Variants in KCNQ1 observed in about 807,000 individuals in gnomAD.
The protein encoded by KCNQ1 is potassium voltage-gated channel subfamily Q member 1, also known as potassium voltage-gated channel subfamily KQT member 1.
KCNQ1 carries 49 observed loss-of-function variants against 72.4 expected under a neutral mutation model. The ratio of observed to expected loss-of-function variants is 0.68; its 90% CI spans 0.54 to 0.86. The LOEUF is 0.86. Ranked by LOEUF, KCNQ1 falls within the 40% of genes least tolerant of loss-of-function variation. KCNQ1 has a pLI of 0.00. For missense variants in KCNQ1, 790 were observed against 945.1 expected (o/e 0.84, Z 2.15); for synonymous variants, 450 against 412.6 (o/e 1.09, Z -1.10).
chr11:2,531,902 C>T (rs373721827), intron 2 of KCNQ1, among the ~76,000 whole-genome samples: 40 of 152,322 alleles, frequency 2.6e-4, no homozygotes, highest in African/African-American at 8.7e-4. Flanking sequence ...CTCCCTGTGA[C>T]GTTTAGGCTA....
At chr11:2,639,349 A>G (rs569380370) in intron 10 of KCNQ1, 1 of 152,086 alleles carries the variant, frequency 6.6e-6, no homozygotes, top group East Asian at 1.9e-4. Context: ...GGTTTTATCT[A>G]CCTTTGGTCT....
chr11:2,739,493 C>T (rs570988179), intron 11 of KCNQ1, among the ~76,000 whole-genome samples: 7 of 152,256 alleles, frequency 4.6e-5, no homozygotes, highest in East Asian at 3.9e-4. Flanking sequence ...ATTTTTATTA[C>T]GCAAAAAAGG....
chr11:2,834,382 C>T (rs1404291569), intron 15 of KCNQ1, among the ~76,000 whole-genome samples: 1 of 152,158 alleles, frequency 6.6e-6, no homozygotes, highest in Non-Finnish European at 1.5e-5. Context: ...ATCCCTTGTT[C>T]TCCGGAGCTG....
Position 2,657,188 on chromosome 11 carries a change from T to C in KCNQ1, c.1394-4773T>C, listed in dbSNP as rs537772938. On this transcript the variant is annotated intron_variant, in intron 10 of 15. Coordinates refer to ENST00000155840, the MANE Select transcript of KCNQ1 (RefSeq NM_000218.3). The surrounding 1 kb of genome is among the most constrained non-coding windows in gnomAD (Gnocchi z 4.8). ...CCCACCTTGTTCTTCTTCAAGAATA[T>C]TGCCAATTCTTGGCTTTTTGCACTT... 1.3e-5 allele frequency: 5 copies of C among 398,660 alleles called. No homozygotes were observed. In the Admixed American group the frequency reaches 1.8e-4, roughly 14 times the overall value. 24.7% of individuals were successfully genotyped at this position (398,660 alleles called of 1,614,324 possible).
chr11:2,644,553 T>A, intron 10 of KCNQ1: 1 of 398,556 alleles, frequency 2.5e-6, no homozygotes, highest in Non-Finnish European at 4.4e-6. Flanking sequence ...GTTTCATCAA[T>A]TTCTTTTTCA....
In KCNQ1 at chr11:2,661,934, C is replaced by T. The variant is rs28730757; in HGVS notation, c.1394-27C>T. On this transcript the variant is annotated intron_variant, in intron 10 of 15. Transcript: ENST00000155840. The surrounding 1 kb of genome is among the most constrained non-coding windows in gnomAD (Gnocchi z 5.9). Reference sequence around the variant, plus strand: ...CTGGCAGGTTGGGTGGGAGGCCTAACGTGCTGTCCCCACACTTTCTCCTCA... The same window carrying T: ...CTGGCAGGTTGGGTGGGAGGCCTAATGTGCTGTCCCCACACTTTCTCCTCA... 1,586 of 1,614,102 alleles carry T rather than the reference C, an allele frequency of 9.8e-4. 8 individuals are homozygous for T. In the African/African-American group the frequency reaches 0.011, roughly 11 times the overall value.
intron 11 of KCNQ1, among the ~76,000 whole-genome samples, chr11:2,754,812 A>G (rs1223017514): frequency 6.6e-6 from 1 of 152,256 alleles, no homozygotes; most frequent in Non-Finnish European, 1.5e-5. Flanking sequence ...ATTTTACAAG[A>G]CACAAAAGCA....
intron 11 of KCNQ1, chr11:2,667,741 G>C (rs1164087105): frequency 2.0e-5 from 8 of 398,656 alleles, no homozygotes; most frequent in Non-Finnish European, 3.1e-5. Flanking sequence ...GAGGGAGTGG[G>C]ATGGGGCTGG....
rs114342161 is a variant in KCNQ1, at chr11:2,738,288, T to C, written c.1515-30556T>C. On this transcript the variant is annotated intron_variant, in intron 11 of 15. Coordinates refer to ENST00000155840, the MANE Select transcript of KCNQ1 (RefSeq NM_000218.3). ...GGAGTGTGGGGGCACAGCGGGTTCC[T>C]TGGCCATGGGGGTGGGCAGACGTGT... Among the ~76,000 whole-genome samples the C allele has an allele frequency of 2.0e-3, 300 of 151,950 alleles. 2 individuals carry two copies. The highest frequency in any genetic ancestry group is 7.0e-3 in the African/African-American group (291 of 41,428).
At position 2,471,944 on chromosome 11, in the gene KCNQ1, G is replaced by A. The variant is rs1449838350; in HGVS notation, c.386+26460G>A. Among the ~76,000 whole-genome samples the A allele has an allele frequency of 2.6e-5, 4 of 151,662 alleles. No homozygotes were observed. Among genetic ancestry groups the A allele is most frequent in the Non-Finnish European group, 5.9e-5 (4 of 67,868 alleles). ...TGTATAGGCGTGTATGTGTGCGCGT[G>A]TGTAGGTGTGTGTTCATATATATGG... On this transcript the variant is annotated intron_variant, in intron 1 of 15. Coordinates refer to ENST00000155840, the MANE Select transcript of KCNQ1 (RefSeq NM_000218.3). This position sits in a 1 kb window ranked among gnomAD's most constrained non-coding sequence, Gnocchi z 4.8.
Position 2,464,024 on chromosome 11 carries a change from C to T in KCNQ1, c.386+18540C>T, listed in dbSNP as rs2133586197. The stretch of plus-strand genomic sequence containing the variant: ...CAGGCCCTGACTCTGCAGAGCAGGA[C>T]TGTGGAAAATGGACACTGATGCTGC... On this transcript the variant is annotated intron_variant, in intron 1 of 15. Coordinates refer to ENST00000155840, the MANE Select transcript of KCNQ1 (RefSeq NM_000218.3). The surrounding 1 kb of genome is among the most constrained non-coding windows in gnomAD (Gnocchi z 5.0). Among the ~76,000 whole-genome samples, 1 of 152,346 alleles carries T rather than the reference C, an allele frequency of 6.6e-6. No individual in the cohort carries two copies. Among genetic ancestry groups the T allele is most frequent in the East Asian group, 1.9e-4 (1 of 5,178 alleles).
At chr11:2,823,655 G>A (rs1372627467) in intron 15 of KCNQ1, among the ~76,000 whole-genome samples, 2 of 152,240 alleles carry the variant, frequency 1.3e-5, no homozygotes, top group Admixed American at 1.3e-4. Context: ...AAATAGGTGG[G>A]ACTGGGAAGA....
chr11:2,683,344 A>T lies in KCNQ1; in HGVS notation c.1514+21263A>T, dbSNP rs949898027. Reference sequence around the variant, plus strand: ...GGTTTCCCCCGCTCAACACTAGGCCACTGTGCCTGCCACTGCTGTCTGCAA... The same window carrying T: ...GGTTTCCCCCGCTCAACACTAGGCCTCTGTGCCTGCCACTGCTGTCTGCAA... On this transcript the variant is annotated intron_variant, in intron 11 of 15. Coordinates refer to ENST00000155840, the MANE Select transcript of KCNQ1 (RefSeq NM_000218.3). The surrounding 1 kb of genome is among the most constrained non-coding windows in gnomAD (Gnocchi z 4.7). The T allele has an allele frequency of 7.5e-6, 3 of 398,416 alleles. No homozygotes were observed. The highest frequency in any genetic ancestry group is 1.3e-5 in the Non-Finnish European group (3 of 226,048). 24.7% of individuals were successfully genotyped at this position (398,416 alleles called of 1,614,324 possible).
At chr11:2,453,476 G>A (rs1433960277) in intron 1 of KCNQ1, among the ~76,000 whole-genome samples, 1 of 152,206 alleles carries the variant, frequency 6.6e-6, no homozygotes, top group African/African-American at 2.4e-5. Context: ...AAGAGTTTCT[G>A]AAAACAGAAG....
At position 2,720,015 on chromosome 11, in the gene KCNQ1, G is replaced by A. The variant is rs1851175849; in HGVS notation, c.1515-48829G>A. Among the ~76,000 whole-genome samples the A allele has an allele frequency of 6.6e-6, 1 of 152,214 alleles. No homozygotes were observed. The highest frequency in any genetic ancestry group is 2.4e-5 in the African/African-American group (1 of 41,452). Reference sequence around the variant, plus strand: ...GAGGTGGAGCCGCTTCACCATACATGCAAATGTAGCAAACTGCAAAATGTC... The same window carrying A: ...GAGGTGGAGCCGCTTCACCATACATACAAATGTAGCAAACTGCAAAATGTC... On this transcript the variant is annotated intron_variant, in intron 11 of 15. Coordinates refer to ENST00000155840, the MANE Select transcript of KCNQ1 (RefSeq NM_000218.3). This position sits in a 1 kb window ranked among gnomAD's most constrained non-coding sequence, Gnocchi z 5.1.
intron 1 of KCNQ1, among the ~76,000 whole-genome samples, chr11:2,511,026 C>T (rs1035924463): frequency 6.6e-6 from 1 of 152,210 alleles, no homozygotes; most frequent in Non-Finnish European, 1.5e-5. Context: ...TTTCTCTTTT[C>T]CCCATTGGTG....
At position 2,566,726 on chromosome 11, in the gene KCNQ1, C is replaced by A. The variant is rs1350760605; in HGVS notation, c.478-3902C>A. ...ACGGGGCAGAGCTCAGGGCCGCACTCCATCAGCATCCCGGGCCATTGCATC... is the reference window on the plus strand; with the variant it reads ...ACGGGGCAGAGCTCAGGGCCGCACTACATCAGCATCCCGGGCCATTGCATC... On this transcript the variant is annotated intron_variant, in intron 2 of 15. Transcript: ENST00000155840. This position sits in a 1 kb window ranked among gnomAD's most constrained non-coding sequence, Gnocchi z 6.7. Among the ~76,000 whole-genome samples, 1 of 152,180 alleles carries A rather than the reference C, an allele frequency of 6.6e-6. No individual in the cohort carries two copies. The highest frequency in any genetic ancestry group is 1.5e-5 in the Non-Finnish European group (1 of 68,040).
chr11:2,587,721 G>A (rs991402263), intron 9 of KCNQ1, 29 bp downstream of exon 9: 31 of 1,613,276 alleles, frequency 1.9e-5, no homozygotes, highest in Non-Finnish European at 2.6e-5. Context: ...ACCAGGGCAG[G>A]GCCTTCTTGC....
intron 12 of KCNQ1, among the ~76,000 whole-genome samples, chr11:2,774,256 G>A (rs535585378): frequency 1.4e-4 from 22 of 152,294 alleles, no homozygotes; most frequent in East Asian, 1.2e-3. Flanking sequence ...CGGTTTTTAC[G>A]GGCCAGAGGG....
Sources: allele counts gnomAD v4.1 joint callset (sites outside exome capture counted in the v4.1 genomes callset), GRCh38; gene constraint gnomAD v4.1.1; non-coding constraint Gnocchi (gnomAD v3.1); transcripts MANE v1.5; gene names NCBI Gene and HGNC (gene_info 2026-07-23, HGNC 2026-07-21).